The following CHRDL1 variants were observed in gnomAD, a reference collection of about 807,000 sequenced individuals.
CHRDL1 encodes the protein chordin like 1.
Under a neutral mutation model 40.9 loss-of-function variants are expected in CHRDL1, and 19 were observed. The ratio of observed to expected loss-of-function variants is 0.46; its 90% CI spans 0.32 to 0.68. CHRDL1 has a LOEUF of 0.68. Among genes scored for constraint, CHRDL1 ranks in the 30% least tolerant of loss-of-function variants. The pLI is 0.03. For missense variants in CHRDL1, 329 were observed against 352.1 expected (o/e 0.93, Z 0.53); for synonymous variants, 136 against 123.4 (o/e 1.10, Z -0.68).
chrX:110,678,664 T>C (rs1470931129), intron 11 of CHRDL1, among the ~76,000 whole-genome samples: 2 of 111,752 alleles, frequency 1.8e-5, no homozygotes, highest in African/African-American at 6.5e-5. Context: ...CTCAGAACTA[T>C]ACTAATTCAT....
chrX:110,710,533 A>T (rs2070729179), intron 6 of CHRDL1, among the ~76,000 whole-genome samples: 1 of 112,492 alleles, frequency 8.9e-6, no homozygotes, highest in African/African-American at 3.2e-5. Context: ...TTAATTTGTT[A>T]AACTCAATGT....
At chrX:110,733,861 T>C (rs755926777) in intron 4 of CHRDL1, among the ~76,000 whole-genome samples, 11 of 103,599 alleles carry the variant, frequency 1.1e-4, no homozygotes, top group Non-Finnish European at 1.6e-4. Flanking sequence ...TGAGCCGAGA[T>C]TGCACTGCTG....
intron 4 of CHRDL1, among the ~76,000 whole-genome samples, chrX:110,745,826 AGTGAGTG>A (rs1194134581): frequency 8.9e-6 from 1 of 112,086 alleles, no homozygotes; most frequent in Non-Finnish European, 1.9e-5. Flanking sequence ...AATATGAGTG[AGTGAGTG>A]AATTAATGAA....
intron 11 of CHRDL1, among the ~76,000 whole-genome samples, chrX:110,678,883 C>T (rs1276210793): frequency 9.0e-6 from 1 of 111,033 alleles, no homozygotes; most frequent in Non-Finnish European, 1.9e-5. Flanking sequence ...CACCCAGGGG[C>T]AGTTCCCCAG....
intron 4 of CHRDL1, among the ~76,000 whole-genome samples, chrX:110,731,256 A>G (rs1738427): frequency 0.081 from 9,028 of 111,617 alleles, 909 homozygotes; most frequent in African/African-American, 0.28. Context: ...GAAAGGCGCT[A>G]TTGGGGGGAA....
chrX:110,740,917 T>C (rs1266379382), intron 4 of CHRDL1, among the ~76,000 whole-genome samples: 3 of 112,569 alleles, frequency 2.7e-5, no homozygotes, highest in Non-Finnish European at 3.7e-5. Flanking sequence ...ATACTGCCTA[T>C]GACTGCTTTC....
At chrX:110,724,151 G>A (rs1047989804) in intron 4 of CHRDL1, among the ~76,000 whole-genome samples, 1 of 112,217 alleles carries the variant, frequency 8.9e-6, no homozygotes, top group African/African-American at 3.2e-5. Context: ...TATTTGTCAC[G>A]GCTCTTATGG....
intron 7 of CHRDL1, among the ~76,000 whole-genome samples, chrX:110,699,111 G>A (rs927288433): frequency 1.1e-4 from 12 of 112,045 alleles, no homozygotes; most frequent in Non-Finnish European, 2.1e-4. Context: ...GATTTTTTGA[G>A]ATGTCCAGAG....
chrX:110,689,989 A>C (rs1245733851), intron 8 of CHRDL1, among the ~76,000 whole-genome samples: 1 of 60,367 alleles, frequency 1.7e-5, no homozygotes, highest in African/African-American at 1.3e-4. Context: ...ATATATCTAT[A>C]TATATCTATA....
chrX:110,779,544 T>C (rs1414997355), intron 2 of CHRDL1, among the ~76,000 whole-genome samples: 1 of 111,944 alleles, frequency 8.9e-6, no homozygotes, highest in Non-Finnish European at 1.9e-5. Context: ...CTCTATTACA[T>C]TCCCTTGATC....
intron 4 of CHRDL1, among the ~76,000 whole-genome samples, chrX:110,751,311 T>C (rs760861235): frequency 8.9e-6 from 1 of 112,270 alleles, no homozygotes; most frequent in African/African-American, 3.2e-5. Context: ...TGCTATAACA[T>C]ACATTGCTCC....
intron 2 of CHRDL1, among the ~76,000 whole-genome samples, chrX:110,790,239 C>T (rs1051085227): frequency 1.8e-5 from 2 of 111,996 alleles, no homozygotes; most frequent in East Asian, 2.8e-4. Flanking sequence ...ATGACCTTAG[C>T]GTCATCATCT....
intron 4 of CHRDL1, among the ~76,000 whole-genome samples, chrX:110,723,419 G>A (rs2070999845): frequency 8.9e-6 from 1 of 111,893 alleles, no homozygotes; most frequent in South Asian, 3.8e-4. Context: ...AGGAATGAGT[G>A]CTTTTACATA....
chrX:110,727,509 T>C lies in CHRDL1; in HGVS notation c.302-5979A>G, dbSNP rs1156266469. Among the ~76,000 whole-genome samples, 4 of 112,197 alleles carry C rather than the reference T, an allele frequency of 3.6e-5. No homozygotes were observed. In the East Asian group the frequency reaches 1.1e-3, roughly 31 times the overall value. Reference sequence around the variant, plus strand: ...TAAAATCCTATTTGTCCCTAATATATAAAGAGCTTCTATAAATTGACAAGA... The same window carrying C: ...TAAAATCCTATTTGTCCCTAATATACAAAGAGCTTCTATAAATTGACAAGA... On this transcript the variant is annotated intron_variant, in intron 4 of 11. Coordinates refer to ENST00000372042, the MANE Select transcript of CHRDL1 (RefSeq NM_001143981.2).
At chrX:110,719,322 A>G (rs1354225203) in intron 6 of CHRDL1, among the ~76,000 whole-genome samples, 3 of 111,932 alleles carry the variant, frequency 2.7e-5, no homozygotes, top group Non-Finnish European at 5.6e-5. Context: ...ATGTGAGAAG[A>G]CAATTCAATT....
At chrX:110,681,689 TA>T in intron 9 of CHRDL1, 40 bp from the exon 10 acceptor site, 1 of 1,069,000 alleles carries the variant, frequency 9.4e-7, no homozygotes, top group Non-Finnish European at 1.3e-6. Context: ...CATGGTTTTC[TA>T]AAGCTAGAAG....
At position 110,674,663 on chromosome X, in the gene CHRDL1, T is replaced by C. The variant is rs886535689; in HGVS notation, c.*1568A>G. ...TTGACTCCTTTATGCCAGGTTGTCA[T>C]AAAGACTGAACATTTTACATTTTCC... On this transcript the variant is annotated 3_prime_UTR_variant, in exon 12 of 12. Coordinates refer to ENST00000372042, the MANE Select transcript of CHRDL1 (RefSeq NM_001143981.2). 1 of 112,401 alleles carries C rather than the reference T, an allele frequency of 8.9e-6. No individual in the cohort carries two copies. The highest frequency in any genetic ancestry group is 1.9e-5 in the Non-Finnish European group (1 of 53,252). The allele number at this position is 112,401 out of a possible 1,213,427, so 9.3% of individuals were successfully genotyped here.
chrX:110,764,986 A>G (rs780775668), intron 2 of CHRDL1, among the ~76,000 whole-genome samples: 1 of 111,815 alleles, frequency 8.9e-6, no homozygotes, highest in South Asian at 3.8e-4. Context: ...CAAGACAATA[A>G]GTGCACCGCT....
intron 2 of CHRDL1, among the ~76,000 whole-genome samples, chrX:110,784,579 A>AT (rs1361871652): frequency 9.1e-6 from 1 of 109,946 alleles, no homozygotes; most frequent in East Asian, 2.9e-4. Flanking sequence ...GCCCACCTAA[A>AT]TTTTTTGTAT....
Sources: allele counts gnomAD v4.1 joint callset (sites outside exome capture counted in the v4.1 genomes callset), GRCh38; gene constraint gnomAD v4.1.1; transcripts MANE v1.5; gene names NCBI Gene and HGNC (gene_info 2026-07-23, HGNC 2026-07-21).